The following OR6B3 variants were observed in gnomAD, a reference collection of about 807,000 sequenced individuals.
OR6B3 encodes the protein olfactory receptor 6B3.
For missense variants in OR6B3, 315 were observed against 427.4 expected (o/e 0.74, Z 2.32); for synonymous variants, 148 against 187.8 (o/e 0.79, Z 1.73).
chr2:240,046,498 C>T (rs1054665956), intron 1 of OR6B3, among the ~76,000 whole-genome samples: 5 of 152,126 alleles, frequency 3.3e-5, no homozygotes, highest in African/African-American at 7.2e-5. Context: ...TTGAGTCTGA[C>T]GCATTCTTTC....
exon 2 of OR6B3, chr2:240,045,578 G>C (rs778820008): frequency 6.5e-7 from 1 of 1,540,912 alleles, no homozygotes; most frequent in Admixed American, 1.7e-5. Context: ...AGAACGTGAC[G>C]CTGGAGATAA....
chr2:240,048,772 TC>T (rs1412528016), upstream of OR6B3, among the ~76,000 whole-genome samples: 1 of 152,170 alleles, frequency 6.6e-6, no homozygotes, highest in East Asian at 1.9e-4. Flanking sequence ...TGCCCCCTCT[TC>T]TCTCTCCTCT....
chr2:240,045,024 T>C, downstream of OR6B3: 1 of 1,486,486 alleles, frequency 6.7e-7, no homozygotes, highest in Non-Finnish European at 9.0e-7. Context: ...GATTTGGAAG[T>C]AATTTTTAAA....
At chr2:240,045,293 G>C in exon 2 of OR6B3, 1 of 1,614,176 alleles carries the variant, frequency 6.2e-7, no homozygotes, top group Non-Finnish European at 8.5e-7. Context: ...CCTGGGGCCG[G>C]ACATACATGA....
At chr2:240,052,714 G>A in the OR6B3 span, among the ~76,000 whole-genome samples, 2 of 152,364 alleles carry the variant, frequency 1.3e-5, no homozygotes, top group South Asian at 4.1e-4. The surrounding 1 kb of genome is among the most constrained non-coding windows in gnomAD (Gnocchi z 4.5). Context: ...ACAGGGTAGA[G>A]CCCAAGCTGG....
intron 1 of OR6B3, 76 bp from the exon 3 acceptor site, chr2:240,046,173 T>C: frequency 9.3e-7 from 1 of 1,075,930 alleles, no homozygotes; most frequent in Non-Finnish European, 1.3e-6. Context: ...TGGACCTGGA[T>C]AGGGAGTTTT....
intron 1 of OR6B3, among the ~76,000 whole-genome samples, chr2:240,046,608 G>C (rs1698192926): frequency 6.6e-6 from 1 of 152,182 alleles, no homozygotes; most frequent in Non-Finnish European, 1.5e-5. Context: ...AACTTGGCCA[G>C]ATCCCAGACT....
upstream of OR6B3, among the ~76,000 whole-genome samples, chr2:240,050,721 C>CAAAAAAAAAAAAAAA (rs61309204): frequency 5.2e-5 from 3 of 57,310 alleles, no homozygotes; most frequent in Admixed American, 2.0e-4. Context: ...CTCAAAGAGA[C>CAAAAAAAAAAAAAAA]AAAAAAAAAA....
At chr2:240,048,328 C>T (rs766772792), upstream of OR6B3, among the ~76,000 whole-genome samples, 2 of 152,180 alleles carry the variant, frequency 1.3e-5, no homozygotes, top group Non-Finnish European at 2.9e-5. Flanking sequence ...GAATGCCCCC[C>T]AGCCCCGTCC....
intron 1 of OR6B3, 100 bp from the exon 3 acceptor site, chr2:240,046,197 G>T (rs868471616): frequency 2.5e-5 from 19 of 767,544 alleles, no homozygotes; most frequent in Middle Eastern, 3.8e-4. Flanking sequence ...GTAAAGAGAG[G>T]CCACGTGGCT....
At chr2:240,051,613 A>AT (rs377143690), upstream of OR6B3, among the ~76,000 whole-genome samples, 5 of 152,194 alleles carry the variant, frequency 3.3e-5, no homozygotes, top group Non-Finnish European at 7.3e-5. Context: ...TGTATCGATT[A>AT]TTTTTTTCTT....
upstream of OR6B3, among the ~76,000 whole-genome samples, chr2:240,048,112 C>T (rs1698216123): frequency 6.6e-6 from 1 of 152,152 alleles, no homozygotes; most frequent in Non-Finnish European, 1.5e-5. Context: ...GTTGTTAAAA[C>T]ACCTGGTTCG....
chr2:240,049,934 A>T (rs1457472085), upstream of OR6B3, among the ~76,000 whole-genome samples: 1 of 152,194 alleles, frequency 6.6e-6, no homozygotes, highest in Non-Finnish European at 1.5e-5. Context: ...GTTTATTGTT[A>T]GAGTAATATG....
upstream of OR6B3, among the ~76,000 whole-genome samples, chr2:240,049,182 A>G (rs529713726): frequency 2.6e-5 from 4 of 152,380 alleles, no homozygotes; most frequent in East Asian, 3.9e-4. Flanking sequence ...AAACAGACTA[A>G]GGATAGCAGG....
chr2:240,051,738 G>A (rs1698257934), upstream of OR6B3, among the ~76,000 whole-genome samples: 1 of 152,192 alleles, frequency 6.6e-6, no homozygotes, highest in Non-Finnish European at 1.5e-5. Context: ...GAGACTTCGA[G>A]GTTAGCAAAT....
chr2:240,045,441 A>G, exon 2 of OR6B3: 1 of 1,614,218 alleles, frequency 6.2e-7, no homozygotes, highest in Non-Finnish European at 8.5e-7. Flanking sequence ...GGTGGCCAGG[A>G]GTGGAAACAC....
chr2:240,053,351 G>T, the OR6B3 span, among the ~76,000 whole-genome samples: 1 of 152,186 alleles, frequency 6.6e-6, no homozygotes, highest in South Asian at 2.1e-4. This position sits in a 1 kb window ranked among gnomAD's most constrained non-coding sequence, Gnocchi z 4.1. Context: ...AGGCAACACC[G>T]TTCAAGGTCC....
chr2:240,045,459 A>G (rs1465029732), exon 2 of OR6B3: 1 of 1,614,254 alleles, frequency 6.2e-7, no homozygotes, highest in Non-Finnish European at 8.5e-7. Flanking sequence ...CACCAGGATG[A>G]TGAAGGCCAG....
At chr2:240,050,656 G>A (rs546626351), upstream of OR6B3, among the ~76,000 whole-genome samples, 1 of 150,992 alleles carries the variant, frequency 6.6e-6, no homozygotes, top group East Asian at 2.0e-4. Flanking sequence ...GGAGGTTGCA[G>A]TGGGCGGAGA....
Sources: gnomAD v4.1 joint callset for allele counts (sites outside exome capture counted in the v4.1 genomes callset) on GRCh38, gnomAD v4.1.1 for gene constraint, Gnocchi (gnomAD v3.1) non-coding constraint, MANE v1.5 for transcripts, NCBI Gene and HGNC (gene_info 2026-07-23, HGNC 2026-07-21) for gene names.